DNAH6: variants seen among roughly 807,000 people sequenced by gnomAD.
DNAH6 encodes the protein axonemal beta dynein heavy chain 6.
In DNAH6, 340 loss-of-function variants were observed where a neutral mutation model predicts 491.4. The observed-to-expected ratio is 0.69, with a 90% confidence interval of 0.63 to 0.76. The LOEUF (loss-of-function observed/expected upper bound fraction) is 0.76, where lower values mean the gene tolerates loss of function less well. Among genes scored for constraint, DNAH6 ranks in the 30% least tolerant of loss-of-function variants. The probability of loss-of-function intolerance (pLI) is 0.00; values close to 1 mark genes in which losing one functional copy is unlikely to be tolerated. For synonymous variants in DNAH6, 1,603 were observed against 1,686.1 expected (o/e 0.95, Z 1.21); for missense variants, 4,443 against 4,972.2 (o/e 0.89, Z 3.20).
chr2:84,777,728 A>G, intron 64 of DNAH6: 1 of 836,828 alleles, frequency 1.2e-6, no homozygotes, highest in Non-Finnish European at 2.1e-6. Context: ...CCCTTCCCCC[A>G]TCAGGTAACG....
chr2:84,488,156 C>T, the DNAH6 span, among the ~76,000 whole-genome samples: 1 of 151,796 alleles, frequency 6.6e-6, no homozygotes, highest in Non-Finnish European at 1.5e-5. Context: ...GTCTAGATGC[C>T]CAACGATGGG....
chr2:84,801,359 A>T (rs544995431), intron 70 of DNAH6, among the ~76,000 whole-genome samples: 1 of 152,256 alleles, frequency 6.6e-6, no homozygotes, highest in South Asian at 2.1e-4. Context: ...AGAAGTTGGC[A>T]TGCAGATACA....
At chr2:84,729,583 G>T (rs1218417823) in intron 61 of DNAH6, among the ~76,000 whole-genome samples, 1 of 152,134 alleles carries the variant, frequency 6.6e-6, no homozygotes, top group Non-Finnish European at 1.5e-5. Context: ...AGCTCCCAAA[G>T]CCCATGTCCA....
chr2:84,634,254 CAAG>C (rs1342717339), intron 29 of DNAH6, among the ~76,000 whole-genome samples: 1 of 152,008 alleles, frequency 6.6e-6, no homozygotes, highest in Non-Finnish European at 1.5e-5. Context: ...AGGTTATAAA[CAAG>C]AAGGAAAATT....
rs185522529 is a variant in DNAH6 at position 84,666,919 on chromosome 2, G to A, written c.6085-2370G>A. 3.9e-3 allele frequency among the ~76,000 whole-genome samples: 601 copies of A among 152,232 alleles called. 7 individuals carry two copies. Among genetic ancestry groups the A allele is most frequent in the Admixed American group, 5.3e-3 (81 of 15,282 alleles). On this transcript the variant is annotated intron_variant, in intron 37 of 76. Coordinates refer to ENST00000389394, the MANE Select transcript of DNAH6 (RefSeq NM_001370.2). ...AACAGAGATATAGACCAACGGAACC[G>A]AACAGAGCCCTCAGAAATAATACCA... is the stretch of plus-strand genomic sequence containing the variant.
chr2:84,502,609 T>C, the DNAH6 span, among the ~76,000 whole-genome samples: 2 of 152,178 alleles, frequency 1.3e-5, no homozygotes, highest in Non-Finnish European at 2.9e-5. Flanking sequence ...AATGTCGAAA[T>C]AGGGTGTTGG....
Position 84,796,345 on chromosome 2 carries a change from A to T in DNAH6, c.11279A>T (p.Asp3760Val). ...TYGGRVTDSW[D>V]QRCLRTILKR... ...GGTGGTAGAGTCACAGACAGCTGGG[A>T]CCAAAGATGCCTTCGTACTATCTTG... is the stretch of plus-strand genomic sequence containing the variant. The change falls in exon 69 of 77, where the codon GAC becomes GTC. Residue 3760 changes from aspartate to valine, a missense_variant. Around this residue, in one of 3 missense-constraint regions of DNAH6, gnomAD observed 1,463 missense variants for 1,656.6 expected, o/e 0.88. Coordinates refer to ENST00000389394, the MANE Select transcript of DNAH6 (RefSeq NM_001370.2). 6.5e-7 allele frequency: 1 copy of T among 1,531,350 alleles called. No individual in the cohort carries two copies. The highest frequency in any genetic ancestry group is 8.8e-7 in the Non-Finnish European group (1 of 1,134,246). 94.9% of individuals were successfully genotyped at this position (1,531,350 alleles called of 1,614,324 possible).
intron 58 of DNAH6, among the ~76,000 whole-genome samples, chr2:84,716,588 G>A (rs946795607): frequency 6.6e-6 from 1 of 152,004 alleles, no homozygotes; most frequent in Non-Finnish European, 1.5e-5. Context: ...CCTTCCACTA[G>A]GTTAACTTCT....
chr2:84,786,539 G>A (rs546817741), intron 67 of DNAH6, among the ~76,000 whole-genome samples: 3 of 152,142 alleles, frequency 2.0e-5, no homozygotes, highest in East Asian at 1.9e-4. Context: ...CCCTTGTTCC[G>A]CTAACAAAAG....
intron 64 of DNAH6, among the ~76,000 whole-genome samples, chr2:84,775,151 G>C (rs1177040518): frequency 6.6e-6 from 1 of 151,962 alleles, no homozygotes; most frequent in Non-Finnish European, 1.5e-5. Context: ...TCTGTCATAG[G>C]TGATTCTTAA....
chr2:84,621,108 GGATT>G, intron 24 of DNAH6, 79 bp from the exon 25 acceptor site: 1 of 1,402,480 alleles, frequency 7.1e-7, no homozygotes, highest in South Asian at 1.3e-5. Flanking sequence ...ATGTAGCTTA[GGATT>G]CTGTAATGGA....
At chr2:84,628,760 G>A (rs192382981) in intron 29 of DNAH6, among the ~76,000 whole-genome samples, 19 of 152,082 alleles carry the variant, frequency 1.2e-4, no homozygotes, top group Middle Eastern at 3.4e-3. Context: ...ATTTGAACAC[G>A]TCCTTTGATT....
chr2:84,688,652 TA>T, intron 45 of DNAH6, 59 bp downstream of exon 45: 6 of 1,384,468 alleles, frequency 4.3e-6, no homozygotes, highest in Non-Finnish European at 5.8e-6. Context: ...TATTAAAGGG[TA>T]AAAAAATAAG....
chr2:84,734,346 T>C (rs944819991), intron 62 of DNAH6, among the ~76,000 whole-genome samples: 1 of 152,044 alleles, frequency 6.6e-6, no homozygotes, highest in Non-Finnish European at 1.5e-5. Context: ...TTCACCGTGT[T>C]AGCCAGGATG....
intron 76 of DNAH6, among the ~76,000 whole-genome samples, chr2:84,818,181 T>A (rs1680673567): frequency 6.6e-6 from 1 of 152,032 alleles, no homozygotes; most frequent in African/African-American, 2.4e-5. Flanking sequence ...TATGTAGTAG[T>A]CATCAATGGC....
intron 31 of DNAH6, among the ~76,000 whole-genome samples, 162 bp downstream of exon 31, chr2:84,637,539 A>T (rs1288933130): frequency 6.6e-6 from 1 of 152,176 alleles, no homozygotes; most frequent in Non-Finnish European, 1.5e-5. Flanking sequence ...TAAGTTCTGC[A>T]TGTTTGTTTG....
chr2:84,518,514 G>A (rs1170350281), intron 2 of DNAH6, among the ~76,000 whole-genome samples: 4 of 152,180 alleles, frequency 2.6e-5, no homozygotes, highest in Non-Finnish European at 5.9e-5. Context: ...ATAAACGCAT[G>A]TAAAGAGCAG....
At chr2:84,660,402 C>T (rs925979875) in intron 37 of DNAH6, among the ~76,000 whole-genome samples, 2 of 152,006 alleles carry the variant, frequency 1.3e-5, no homozygotes, top group African/African-American at 4.8e-5. Context: ...TAAAAATATG[C>T]ATGACTATGT....
At chr2:84,752,182 A>G (rs1327485608) in intron 63 of DNAH6, among the ~76,000 whole-genome samples, 1 of 152,202 alleles carries the variant, frequency 6.6e-6, no homozygotes, top group African/African-American at 2.4e-5. Flanking sequence ...AACAATTGCA[A>G]GTTTTTCCCA....
Sources: gnomAD v4.1 joint callset for allele counts (sites outside exome capture counted in the v4.1 genomes callset) on GRCh38, gnomAD v4.1.1 for gene constraint, gnomAD v4.1.1 regional missense constraint, MANE v1.5 for transcripts, NCBI Gene and HGNC (gene_info 2026-07-23, HGNC 2026-07-21) for gene names.